RGS18: variants seen among roughly 807,000 people sequenced by gnomAD.
The protein encoded by RGS18 is regulator of G protein signaling 18.
Under a neutral mutation model 27.6 loss-of-function variants are expected in RGS18, and 22 were observed. That is an observed-to-expected ratio of 0.80 (90% CI 0.57 to 1.14). The LOEUF is 1.14. Ranked by LOEUF, RGS18 falls within the 50% of genes most tolerant of loss-of-function variation. RGS18 has a pLI of 0.00. For missense variants in RGS18, 299 were observed against 269.6 expected (o/e 1.11, Z -0.76); for synonymous variants, 89 against 84.6 (o/e 1.05, Z -0.29).
At chr1:192,163,168 T>C (rs769037475) in intron 3 of RGS18, 2 of 152,202 alleles carry the variant, frequency 1.3e-5, no homozygotes, top group Non-Finnish European at 2.9e-5. Context: ...TTAAATGAGA[T>C]GATGAATAAG....
At chr1:192,164,594 A>G (rs1176278807) in intron 3 of RGS18, among the ~76,000 whole-genome samples, 3 of 152,210 alleles carry the variant, frequency 2.0e-5, no homozygotes, top group Non-Finnish European at 2.9e-5. Flanking sequence ...CCATACCAAC[A>G]TAAGATATTA....
intron 3 of RGS18, among the ~76,000 whole-genome samples, chr1:192,178,813 T>C (rs1337231215): frequency 1.3e-5 from 2 of 151,742 alleles, no homozygotes; most frequent in Admixed American, 6.6e-5. Context: ...AATAATTTCT[T>C]GTAAGAAGAT....
chr1:192,179,285 A>G (rs1656408853), intron 3 of RGS18, among the ~76,000 whole-genome samples: 1 of 151,630 alleles, frequency 6.6e-6, no homozygotes, highest in Non-Finnish European at 1.5e-5. Flanking sequence ...ATAACTAGAG[A>G]GTGAGAGTGA....
chr1:192,160,082 G>T (rs1167615373), intron 2 of RGS18, among the ~76,000 whole-genome samples: 2 of 151,256 alleles, frequency 1.3e-5, no homozygotes, highest in African/African-American at 4.9e-5. Context: ...CTTTATATTT[G>T]TTATCTGTGC....
At chr1:192,184,010 G>T (rs1656499707) in intron 4 of RGS18, among the ~76,000 whole-genome samples, 1 of 151,536 alleles carries the variant, frequency 6.6e-6, no homozygotes, top group Admixed American at 6.6e-5. Flanking sequence ...TAAACAGCCA[G>T]ATCTTGCCAG....
At chr1:192,166,659 A>G (rs1288753015) in intron 3 of RGS18, among the ~76,000 whole-genome samples, 1 of 152,166 alleles carries the variant, frequency 6.6e-6, no homozygotes, top group Non-Finnish European at 1.5e-5. Context: ...AAGGAATAGG[A>G]AACAAAAAAG....
chr1:192,177,490 G>T (rs1454802471), intron 3 of RGS18, among the ~76,000 whole-genome samples: 4 of 151,554 alleles, frequency 2.6e-5, no homozygotes, highest in African/African-American at 9.7e-5. Flanking sequence ...GAAATTTGGT[G>T]ACAAGTTAGA....
intron 3 of RGS18, among the ~76,000 whole-genome samples, chr1:192,173,375 T>C (rs2102156598): frequency 6.6e-6 from 1 of 152,064 alleles, no homozygotes; most frequent in Admixed American, 6.6e-5. Flanking sequence ...TGTAATTTTC[T>C]TCACTTCCTT....
intron 3 of RGS18, among the ~76,000 whole-genome samples, chr1:192,170,543 A>G (rs542068040): frequency 3.4e-4 from 52 of 152,202 alleles, no homozygotes; most frequent in African/African-American, 1.2e-3. Context: ...TTCTTTATAA[A>G]TTACTCAGGC....
chr1:192,174,517 T>TTAGA (rs1656323358), intron 3 of RGS18, among the ~76,000 whole-genome samples: 1 of 151,884 alleles, frequency 6.6e-6, no homozygotes, highest in East Asian at 1.9e-4. Flanking sequence ...GTAAGCAGAA[T>TTAGA]TAGAATCTAT....
At chr1:192,174,704 A>AT (rs1418517334) in intron 3 of RGS18, among the ~76,000 whole-genome samples, 2 of 151,860 alleles carry the variant, frequency 1.3e-5, no homozygotes, top group Non-Finnish European at 2.9e-5. Context: ...CCATGTGAAG[A>AT]TTTTTTTGTT....
intron 3 of RGS18, among the ~76,000 whole-genome samples, chr1:192,170,755 G>T (rs981783963): frequency 5.3e-5 from 8 of 151,512 alleles, no homozygotes; most frequent in African/African-American, 1.9e-4. Flanking sequence ...AAATTATCAA[G>T]CTGCTGTCAA....
At chr1:192,182,286 G>A (rs1468339257) in intron 4 of RGS18, among the ~76,000 whole-genome samples, 2 of 151,406 alleles carry the variant, frequency 1.3e-5, no homozygotes, top group Non-Finnish European at 3.0e-5. Context: ...TATAATGGCT[G>A]CACTACCTTA....
At chr1:192,175,731 G>A (rs868099176) in intron 3 of RGS18, among the ~76,000 whole-genome samples, 1 of 151,842 alleles carries the variant, frequency 6.6e-6, no homozygotes, top group African/African-American at 2.4e-5. Context: ...GGCTCTGCAG[G>A]AAAACTGCAT....
intron 3 of RGS18, among the ~76,000 whole-genome samples, chr1:192,177,165 TTAA>T (rs1233264439): frequency 6.6e-6 from 1 of 151,808 alleles, no homozygotes; most frequent in African/African-American, 2.4e-5. Context: ...AATTAAATGT[TTAA>T]TGTCATCAAG....
At chr1:192,163,525 C>G (rs1195644783) in intron 3 of RGS18, 2 of 152,100 alleles carry the variant, frequency 1.3e-5, no homozygotes, top group Non-Finnish European at 2.9e-5. Context: ...ATTTGCTACT[C>G]TCTCTTTTCT....
At chr1:192,176,215 AAGAG>A (rs1395174552) in intron 3 of RGS18, among the ~76,000 whole-genome samples, 2 of 151,996 alleles carry the variant, frequency 1.3e-5, no homozygotes, top group African/African-American at 4.8e-5. Flanking sequence ...AGTGACAAAA[AAGAG>A]AGAACAAGTT....
intron 1 of RGS18, 21 bp from the exon 2 acceptor site, chr1:192,159,199 A>C: frequency 6.5e-7 from 1 of 1,540,016 alleles, no homozygotes; most frequent in Non-Finnish European, 9.0e-7. Context: ...TTGTCCTGAC[A>C]TGAAGGCCTT....
At chr1:192,166,793 A>G (rs1290149334) in intron 3 of RGS18, among the ~76,000 whole-genome samples, 2 of 152,198 alleles carry the variant, frequency 1.3e-5, no homozygotes, top group Non-Finnish European at 2.9e-5. Context: ...GTAGAGTTTG[A>G]ACATTTTTTG....
Sources: allele counts gnomAD v4.1 joint callset (sites outside exome capture counted in the v4.1 genomes callset), GRCh38; gene constraint gnomAD v4.1.1; transcripts MANE v1.5; gene names NCBI Gene and HGNC (gene_info 2026-07-23, HGNC 2026-07-21).